The following ADAT3 variants were observed in gnomAD, a reference collection of about 807,000 sequenced individuals.
ADAT3 encodes adenosine deaminase tRNA specific 3, also known as tRNA-specific adenosine-34 deaminase regulatory subunit ADAT3.
Under a neutral mutation model 3.5 loss-of-function variants are expected in ADAT3, and 2 were observed. That is an observed-to-expected ratio of 0.57 (90% CI 0.23 to 1.79). The LOEUF is 1.79. Ranked by LOEUF, ADAT3 falls within the 40% of genes most tolerant of loss-of-function variation. The pLI, the probability that ADAT3 is intolerant of heterozygous loss-of-function variation, is 0.18. For missense variants in ADAT3, 735 were observed against 571.4 expected (o/e 1.29, Z -2.92); for synonymous variants, 358 against 270.3 (o/e 1.32, Z -3.18).
chr19:1,912,228 G>T lies in ADAT3; in HGVS notation c.181G>T (p.Ala61Ser), dbSNP rs149646876. 929 of 1,595,378 alleles carry T rather than the reference G, an allele frequency of 5.8e-4. 1 individual carries two copies. Among genetic ancestry groups the T allele is most frequent in the Non-Finnish European group, 6.8e-4 (795 of 1,174,036 alleles). ...GTCAGGGGACGTGGAGCTGGTGCTG[G>T]CCTACGCCGCGCCCGTCCTGGACAA... ...KQSGDVELVL[A>S]YAAPVLDKRQ... The change falls in exon 2 of 2, where the codon GCC (alanine) becomes TCC (serine). Residue 61 changes from alanine (A) to serine (S), a missense_variant. By Grantham distance (99) the Ala-to-Ser change is moderately conservative (BLOSUM62 1). Transcript: ENST00000329478.
rs774397199 is a variant in ADAT3, at chr19:1,909,104, GA to G, written c.-158-2773del. On this transcript the variant is annotated intron_variant, in intron 1 of 1. Coordinates refer to ENST00000329478, the MANE Select transcript of ADAT3 (RefSeq NM_138422.4). ...TGGGCAACAGAGTGAGACTCTGTCTGAAAAAAAAAAAAATGTGGGCTGGGCA... is the reference window on the plus strand; with the variant it reads ...TGGGCAACAGAGTGAGACTCTGTCTGAAAAAAAAAAAATGTGGGCTGGGCA... 1.0e-2 allele frequency among the ~76,000 whole-genome samples: 1,295 copies of G among 129,600 alleles called. 17 individuals are homozygous for G. The highest frequency in any genetic ancestry group is 0.032 in the African/African-American group (1,102 of 34,918). 85.0% of individuals were successfully genotyped at this position (129,600 alleles called of 152,430 possible).
chr19:1,910,735 C>A (rs2013398959), intron 1 of ADAT3, among the ~76,000 whole-genome samples: 1 of 151,238 alleles, frequency 6.6e-6, no homozygotes, highest in Non-Finnish European at 1.5e-5. Flanking sequence ...TGGCACCATG[C>A]CCAGCTAATT....
At position 1,912,295 on chromosome 19, in the gene ADAT3, A is replaced by AC. The variant is rs1364466737; in HGVS notation, c.251dup (p.Leu85AlafsTer40). 1 of 1,564,410 alleles carries AC rather than the reference A, an allele frequency of 6.4e-7. No homozygotes were observed. Among genetic ancestry groups the AC allele is most frequent in the South Asian group, 1.2e-5 (1 of 84,752 alleles). On this transcript the variant is annotated frameshift_variant, in exon 2 of 2. Coordinates refer to ENST00000329478, the MANE Select transcript of ADAT3 (RefSeq NM_138422.4). LOFTEE classifies it low-confidence loss of function (END_TRUNC). The stretch of plus-strand genomic sequence containing the variant: ...CTCCTGAAGGAGGTGTCGGCCCTGC[A>AC]CCCGCTCCCCGCCCAGCCTCACCTC...
Position 1,912,328 on chromosome 19 carries a change from T to C in ADAT3, c.281T>C (p.Val94Ala). 1 of 1,538,268 alleles carries C rather than the reference T, an allele frequency of 6.5e-7. No individual in the cohort carries two copies. Among genetic ancestry groups the C allele is most frequent in the Non-Finnish European group, 8.7e-7 (1 of 1,150,336 alleles). The change falls in exon 2 of 2, where the codon GTG (valine) becomes GCG (alanine). Residue 94 changes from valine (V) to alanine (A), a missense_variant. By Grantham distance (64) the Val-to-Ala change is moderately conservative. Coordinates refer to ENST00000329478, the MANE Select transcript of ADAT3 (RefSeq NM_138422.4). ...PLPAQPHLKRVRPSRDAGSPH... is the reference protein window; with the variant it reads ...PLPAQPHLKRARPSRDAGSPH... ...CCCGCCCAGCCTCACCTCAAGCGGG[T>C]GCGGCCCAGCCGCGATGCCGGCAGC...
chr19:1,908,413 C>A lies in ADAT3; in HGVS notation c.-159+2974C>A. The A allele has an allele frequency of 2.2e-6, 1 of 452,940 alleles. No individual in the cohort carries two copies. Among genetic ancestry groups the A allele is most frequent in the Non-Finnish European group, 4.6e-6 (1 of 216,826 alleles). 28.1% of individuals were successfully genotyped at this position (452,940 alleles called of 1,614,324 possible). A position where few individuals can be genotyped will look rare whatever the true frequency, so the allele number is the denominator to read the frequency against. On this transcript the variant is annotated intron_variant, in intron 1 of 1. Coordinates refer to ENST00000329478, the MANE Select transcript of ADAT3 (RefSeq NM_138422.4). This position sits in a 1 kb window ranked among gnomAD's most constrained non-coding sequence, Gnocchi z 4.2. ...GCGCCCCGGCGGCTGAGGCGTGGAC[C>A]AGGCAGTGCATGTCGAGGAGTAGCA...
In ADAT3 at chr19:1,912,725, C is replaced by T. The variant is rs1323251137; in HGVS notation, c.678C>T (p.Thr226=). The T allele has an allele frequency of 4.6e-6, 7 of 1,523,426 alleles. No individual in the cohort carries two copies. The highest frequency in any genetic ancestry group is 1.2e-5 in the South Asian group (1 of 82,800). 94.4% of individuals were successfully genotyped at this position (1,523,426 alleles called of 1,614,324 possible). A position where few individuals can be genotyped will look rare whatever the true frequency, so the allele number is the denominator to read the frequency against. Residue 226 remains threonine (T), a synonymous_variant, in exon 2 of 2, where the codon ACC becomes ACT. Transcript: ENST00000329478. The part of the protein sequence containing the change: ...VDPASDRVLA[T]GHDCSCADNP... ...CGGCCTCGGACCGCGTGCTGGCCAC[C>T]GGCCACGACTGCAGCTGCGCGGACA...
At chr19:1,906,366 A>G (rs2145418889) in intron 1 of ADAT3, 1 of 152,266 alleles carries the variant, frequency 6.6e-6, no homozygotes, top group East Asian at 1.9e-4. Context: ...TCTCCAAAAA[A>G]AAGAAAAAAA....
intron 1 of ADAT3, among the ~76,000 whole-genome samples, chr19:1,911,237 T>C (rs2013429672): frequency 6.6e-6 from 1 of 151,872 alleles, no homozygotes; most frequent in Non-Finnish European, 1.5e-5. Flanking sequence ...AGTGGCACGA[T>C]TGTAGCTCAC....
intron 1 of ADAT3, chr19:1,906,889 T>TGTGTGTGTGTGTGTGTGA (rs59705844): frequency 7.6e-6 from 1 of 132,112 alleles, no homozygotes; most frequent in Non-Finnish European, 1.6e-5. Flanking sequence ...TGTGTGTGTG[T>TGTGTGTGTGTGTGTGTGA]AAAGAAACAA....
chr19:1,913,430 TAAAC>T lies in ADAT3; in HGVS notation c.*281_*284del, dbSNP rs1430711080. Reference sequence around the variant, plus strand: ...CCGGGAAACTGCTCTGATGGGAAAATAAACAGCCCAAAACCAAGTGGGTGTCTGT... The same window carrying T: ...CCGGGAAACTGCTCTGATGGGAAAATAGCCCAAAACCAAGTGGGTGTCTGT... On this transcript the variant is annotated 3_prime_UTR_variant, in exon 2 of 2. Transcript: ENST00000329478. The T allele has an allele frequency of 2.0e-5, 11 of 556,842 alleles. No individual in the cohort carries two copies. The highest frequency in any genetic ancestry group is 3.5e-5 in the Admixed American group (1 of 28,940). 34.5% of individuals were successfully genotyped at this position (556,842 alleles called of 1,614,324 possible).
In ADAT3 at chr19:1,905,401, G is replaced by A. The variant is rs865977885; in HGVS notation, c.-197G>A. 3 of 464,768 alleles carry A rather than the reference G, an allele frequency of 6.5e-6. No homozygotes were observed. The highest frequency in any genetic ancestry group is 2.0e-5 in the African/African-American group (1 of 49,490). 28.8% of individuals were successfully genotyped at this position (464,768 alleles called of 1,614,324 possible). A position where few individuals can be genotyped will look rare whatever the true frequency, so the allele number is the denominator to read the frequency against. On this transcript the variant is annotated 5_prime_UTR_variant, in exon 1 of 2. Coordinates refer to ENST00000329478, the MANE Select transcript of ADAT3 (RefSeq NM_138422.4). Reference sequence around the variant, plus strand: ...TGGGTTGGGCCGGGCCGGTTGCTAAGACTTGGCGAAGCGCTGCGCTCGCGC... The same window carrying A: ...TGGGTTGGGCCGGGCCGGTTGCTAAAACTTGGCGAAGCGCTGCGCTCGCGC...
rs2145440383 is a variant in ADAT3 at position 1,913,124 on chromosome 19, G to A, written c.1077G>A (p.Gln359=). The A allele has an allele frequency of 1.9e-6, 3 of 1,580,224 alleles. No homozygotes were observed. The highest frequency in any genetic ancestry group is 2.3e-5 in the South Asian group (2 of 88,584). ...FQVFRGVLEE[Q]CRWLDPDT ...TGTTCCGCGGGGTGCTGGAGGAGCA[G>A]TGCCGCTGGCTGGACCCCGACACGT... Residue 359 remains glutamine, a synonymous_variant, in exon 2 of 2, where the codon CAG becomes CAA. Transcript: ENST00000329478.
At chr19:1,911,161 C>T (rs956394226) in intron 1 of ADAT3, among the ~76,000 whole-genome samples, 3 of 151,972 alleles carry the variant, frequency 2.0e-5, no homozygotes, top group African/African-American at 7.3e-5. Context: ...AGGCGTGAGC[C>T]ACCGTGCCCG....
chr19:1,912,003 C>T lies in ADAT3; in HGVS notation c.-45C>T, dbSNP rs1389499999. Reference sequence around the variant, plus strand: ...CCTGCCTTGTGGAGCCACGGCCTCCCGGGACGGACTCCCCGGCTCTCCCCC... The same window carrying T: ...CCTGCCTTGTGGAGCCACGGCCTCCTGGGACGGACTCCCCGGCTCTCCCCC... On this transcript the variant is annotated 5_prime_UTR_variant, in exon 2 of 2. Transcript: ENST00000329478. 6 of 1,415,726 alleles carry T rather than the reference C, an allele frequency of 4.2e-6. No individual in the cohort carries two copies. The African/African-American group carries it at 6.0e-5, about 14-fold the overall frequency. 87.7% of individuals were successfully genotyped at this position (1,415,726 alleles called of 1,614,324 possible).
chr19:1,912,819 G>C lies in ADAT3; in HGVS notation c.772G>C (p.Asp258His), dbSNP rs748606302. The C allele has an allele frequency of 6.3e-7, 1 of 1,588,454 alleles. No individual in the cohort carries two copies. Among genetic ancestry groups the C allele is most frequent in the Non-Finnish European group, 8.5e-7 (1 of 1,175,022 alleles). ...VARGQGRGTY[D>H]FRPFPACSFA... Reference sequence around the variant, plus strand: ...GCGCGGCCAGGGCCGCGGCACCTACGACTTCAGACCCTTCCCCGCCTGCTC... The same window carrying C: ...GCGCGGCCAGGGCCGCGGCACCTACCACTTCAGACCCTTCCCCGCCTGCTC... The change falls in exon 2 of 2, where the codon GAC becomes CAC. Residue 258 changes from aspartate (D) to histidine (H), a missense_variant. Transcript: ENST00000329478.
At chr19:1,905,515 G>A in intron 1 of ADAT3, 76 bp downstream of exon 1, 1 of 380,110 alleles carries the variant, frequency 2.6e-6, no homozygotes, top group Middle Eastern at 3.8e-4. Context: ...CTGACATGGG[G>A]GGTCTCGGCG....
At position 1,912,002 on chromosome 19, in the gene ADAT3, C is replaced by G; in HGVS notation, c.-46C>G. ...CCCTGCCTTGTGGAGCCACGGCCTCCCGGGACGGACTCCCCGGCTCTCCCC... is the reference window on the plus strand; with the variant it reads ...CCCTGCCTTGTGGAGCCACGGCCTCGCGGGACGGACTCCCCGGCTCTCCCC... On this transcript the variant is annotated 5_prime_UTR_variant, in exon 2 of 2. Coordinates refer to ENST00000329478, the MANE Select transcript of ADAT3 (RefSeq NM_138422.4). 7.1e-7 allele frequency: 1 copy of G among 1,415,822 alleles called. No individual in the cohort carries two copies. The highest frequency in any genetic ancestry group is 1.5e-5 in the African/African-American group (1 of 67,096). 87.7% of individuals were successfully genotyped at this position (1,415,822 alleles called of 1,614,324 possible). A position where few individuals can be genotyped will look rare whatever the true frequency, so the allele number is the denominator to read the frequency against.
chr19:1,912,520 C>A lies in ADAT3; in HGVS notation c.473C>A (p.Ala158Asp). 1 of 1,496,840 alleles carries A rather than the reference C, an allele frequency of 6.7e-7. No individual in the cohort carries two copies. 92.7% of individuals were successfully genotyped at this position (1,496,840 alleles called of 1,614,324 possible). ...CTGACCAGGGGCCAGTTCGAGGAGG[C>A]CCGGGCCCACTGGCCCACGTCCTTC... ...PPLTRGQFEE[A>D]RAHWPTSFHE... The change falls in exon 2 of 2, where the codon GCC (alanine) becomes GAC (aspartate). Residue 158 changes from alanine to aspartate, a missense_variant. By Grantham distance (126) the Ala-to-Asp change is moderately radical. Transcript: ENST00000329478.
In ADAT3 at chr19:1,912,627, G is replaced by C; in HGVS notation, c.580G>C (p.Glu194Gln). 8 of 1,451,496 alleles carry C rather than the reference G, an allele frequency of 5.5e-6. No homozygotes were observed. The highest frequency in any genetic ancestry group is 4.0e-5 in the South Asian group (3 of 74,234). 89.9% of individuals were successfully genotyped at this position (1,451,496 alleles called of 1,614,324 possible). ...GCGCGCCGCCATGCAGAGCCACATG[G>C]AGCGGGCGGTGTGGGCGGCCCGGCG... ...QERAAMQSHMERAVWAARRAA... is the reference protein window; with the variant it reads ...QERAAMQSHMQRAVWAARRAA... Residue 194 changes from glutamate (E) to glutamine (Q), a missense_variant, in exon 2 of 2, where the codon GAG becomes CAG. By Grantham distance (29) the Glu-to-Gln change is conservative. Coordinates refer to ENST00000329478, the MANE Select transcript of ADAT3 (RefSeq NM_138422.4).
Sources: allele counts gnomAD v4.1 joint callset (sites outside exome capture counted in the v4.1 genomes callset), GRCh38; gene constraint gnomAD v4.1.1; non-coding constraint Gnocchi (gnomAD v3.1); transcripts MANE v1.5; gene names NCBI Gene and HGNC (gene_info 2026-07-23, HGNC 2026-07-21).